The following MRPS23 variants were observed in gnomAD, a reference collection of about 807,000 sequenced individuals.
MRPS23 encodes small ribosomal subunit protein mS23.
In MRPS23, 14 loss-of-function variants were observed where a neutral mutation model predicts 19.8. The ratio of observed to expected loss-of-function variants is 0.71; its 90% confidence interval spans 0.47 to 1.11. The LOEUF (loss-of-function observed/expected upper bound fraction) is 1.11. MRPS23 is among the 50% of genes least tolerant of loss of function. The pLI is 0.00. For synonymous variants in MRPS23, 113 were observed against 89.7 expected (o/e 1.26, Z -1.47); for missense variants, 242 against 236.7 (o/e 1.02, Z -0.15).
intron 4 of MRPS23, 33 bp from the exon 5 acceptor site, chr17:57,839,968 G>A (rs1035326299): frequency 6.2e-6 from 10 of 1,608,774 alleles, no homozygotes; most frequent in Non-Finnish European, 7.7e-6. Context: ...TCACAGAGAT[G>A]TTATCATTTT....
intron 2 of MRPS23, among the ~76,000 whole-genome samples, chr17:57,846,077 ATC>A (rs1473525808): frequency 3.4e-5 from 2 of 58,434 alleles, no homozygotes; most frequent in African/African-American, 1.2e-4. Context: ...GAAGTGTGAC[ATC>A]TTTGTTTTTT....
chr17:57,840,749 G>C, intron 4 of MRPS23, 177 bp downstream of exon 4: 1 of 586,780 alleles, frequency 1.7e-6, no homozygotes, highest in Non-Finnish European at 2.8e-6. Flanking sequence ...ATGATTTAGA[G>C]ATGATTAAAG....
At chr17:57,842,791 G>A (rs1480411978) in intron 2 of MRPS23, among the ~76,000 whole-genome samples, 1 of 151,258 alleles carries the variant, frequency 6.6e-6, no homozygotes, top group African/African-American at 2.4e-5. Context: ...GGGAAGCTGA[G>A]GCATGAGGAT....
rs527508766 is a variant in MRPS23, at chr17:57,835,605, C to T, written c.*4178G>A. ...CTACCAGTTCAAATGGGCTTTTCCA[C>T]TACTGCTCAAAATAGTAATAAAACC... On this transcript the variant is annotated 3_prime_UTR_variant, in exon 5 of 5. Coordinates refer to ENST00000313608, the MANE Select transcript of MRPS23 (RefSeq NM_016070.4). 8.5e-5 allele frequency: 13 copies of T among 152,360 alleles called. No individual in the cohort carries two copies. Among genetic ancestry groups the T allele is most frequent in the African/African-American group, 3.1e-4 (13 of 41,584 alleles). 9.4% of individuals were successfully genotyped at this position (152,360 alleles called of 1,614,324 possible). A position where few individuals can be genotyped will look rare whatever the true frequency, so the allele number is the denominator to read the frequency against.
chr17:57,840,479 G>A (rs2073733737), intron 4 of MRPS23, among the ~76,000 whole-genome samples: 1 of 151,850 alleles, frequency 6.6e-6, no homozygotes, highest in Non-Finnish European at 1.5e-5. Context: ...CAAAATTCTA[G>A]TATATTCAGT....
chr17:57,838,869 G>T lies in MRPS23; in HGVS notation c.*914C>A, dbSNP rs1170484980. The T allele has an allele frequency of 1.3e-5, 2 of 152,214 alleles. No individual in the cohort carries two copies. Among genetic ancestry groups the T allele is most frequent in the Non-Finnish European group, 2.9e-5 (2 of 68,040 alleles). 9.4% of individuals were successfully genotyped at this position (152,214 alleles called of 1,614,324 possible). On this transcript the variant is annotated 3_prime_UTR_variant, in exon 5 of 5. Coordinates refer to ENST00000313608, the MANE Select transcript of MRPS23 (RefSeq NM_016070.4). ...TTTAAAATAGGGAATTTCTGAAGCA[G>T]CTTACTACTAACAGCTAAAAACCAC...
intron 2 of MRPS23, among the ~76,000 whole-genome samples, chr17:57,842,877 AAAATATAT>A (rs1212813232): frequency 1.7e-5 from 2 of 114,360 alleles, no homozygotes; most frequent in East Asian, 4.3e-4. Context: ...AAAAAAAAAA[AAAATATAT>A]ATATATACAC....
Position 57,838,108 on chromosome 17 carries a change from G to C in MRPS23, c.*1675C>G, listed in dbSNP as rs1032823491. ...GTTTGAGATCAGCCTGGGCAACATGGTTAAAAGCCCGTTTCTACTAAAAAT... is the reference window on the plus strand; with the variant it reads ...GTTTGAGATCAGCCTGGGCAACATGCTTAAAAGCCCGTTTCTACTAAAAAT... On this transcript the variant is annotated 3_prime_UTR_variant, in exon 5 of 5. Coordinates refer to ENST00000313608, the MANE Select transcript of MRPS23 (RefSeq NM_016070.4). 6.6e-6 allele frequency: 1 copy of C among 151,736 alleles called. No individual in the cohort carries two copies. Among genetic ancestry groups the C allele is most frequent in the African/African-American group, 2.4e-5 (1 of 41,312 alleles). 9.4% of individuals were successfully genotyped at this position (151,736 alleles called of 1,614,324 possible).
In MRPS23 at chr17:57,849,978, G is replaced by T. The variant is rs769211084; in HGVS notation, c.33C>A (p.Ser11Arg). Reference protein sequence around the residue: MAGSRLETVGSIFSRTRDLVR... With the variant: MAGSRLETVGRIFSRTRDLVR... Reference sequence around the variant, plus strand: ...CTGGGAGCACACACCGAGAGAAGATGCTCCCTACGGTTTCCAGCCGGCTGC... The same window carrying T: ...CTGGGAGCACACACCGAGAGAAGATTCTCCCTACGGTTTCCAGCCGGCTGC... Residue 11 changes from serine to arginine, a missense_variant, in exon 1 of 5, where the codon AGC (serine) becomes AGA (arginine). By Grantham distance (110) the Ser-to-Arg change is moderately radical. Coordinates refer to ENST00000313608, the MANE Select transcript of MRPS23 (RefSeq NM_016070.4). 6.4e-5 allele frequency: 102 copies of T among 1,589,758 alleles called. No individual in the cohort carries two copies. The highest frequency in any genetic ancestry group is 8.6e-5 in the Non-Finnish European group (101 of 1,174,478).
chr17:57,841,299 T>G (rs147282209), intron 2 of MRPS23, 39 bp from the exon 3 acceptor site: 1 of 1,579,966 alleles, frequency 6.3e-7, no homozygotes. Flanking sequence ...TCTCCGATTA[T>G]AGACTGTGGA....
At position 57,839,492 on chromosome 17, in the gene MRPS23, T is replaced by G; in HGVS notation, c.*291A>C. ...CAAGCCTAGTCAGATTGAGTCCCAT[T>G]TGAACAATCTTTATAAAGGTTTCTT... On this transcript the variant is annotated 3_prime_UTR_variant, in exon 5 of 5. Coordinates refer to ENST00000313608, the MANE Select transcript of MRPS23 (RefSeq NM_016070.4). The G allele has an allele frequency of 4.3e-6, 1 of 234,938 alleles. No homozygotes were observed. The highest frequency in any genetic ancestry group is 8.3e-6 in the Non-Finnish European group (1 of 119,794). The allele number at this position is 234,938 out of a possible 1,614,324, so 14.6% of individuals were successfully genotyped here.
At chr17:57,849,466 T>C in intron 1 of MRPS23, 56 bp from the exon 2 acceptor site, 1 of 1,591,460 alleles carries the variant, frequency 6.3e-7, no homozygotes, top group Non-Finnish European at 8.6e-7. Flanking sequence ...CCAAAGCCCC[T>C]GAATCAGTCT....
chr17:57,842,887 T>C lies in MRPS23; in HGVS notation c.216-1627A>G, dbSNP rs866969696. Among the ~76,000 whole-genome samples, 846 of 97,480 alleles carry C rather than the reference T, an allele frequency of 8.7e-3. 7 individuals carry two copies. The highest frequency in any genetic ancestry group is 0.023 in the African/African-American group (527 of 23,418). The allele number at this position is 97,480 out of a possible 152,430, so 64.0% of individuals were successfully genotyped here. A position where few individuals can be genotyped will look rare whatever the true frequency, so the allele number is the denominator to read the frequency against. On this transcript the variant is annotated intron_variant, in intron 2 of 4. Coordinates refer to ENST00000313608, the MANE Select transcript of MRPS23 (RefSeq NM_016070.4). ...TCTAAAAAAAAAAAAAAAATATATATATATACACACACACACACACACACA... is the reference window on the plus strand; with the variant it reads ...TCTAAAAAAAAAAAAAAAATATATACATATACACACACACACACACACACA...
chr17:57,846,231 C>G (rs142126371), intron 2 of MRPS23, among the ~76,000 whole-genome samples: 1 of 143,094 alleles, frequency 7.0e-6, no homozygotes, highest in Non-Finnish European at 1.5e-5. Context: ...CCTGGCCAGC[C>G]GCCCCGTCCG....
chr17:57,849,719 T>C (rs557995860), intron 1 of MRPS23: 2 of 606,400 alleles, frequency 3.3e-6, no homozygotes, highest in South Asian at 2.2e-5. Flanking sequence ...TTCCTCTTCC[T>C]AGAGACCTCC....
chr17:57,836,797 C>A lies in MRPS23; in HGVS notation c.*2986G>T, dbSNP rs2073708766. ...GTTCCAGCGATTCTCCTGCCTCAGC[C>A]TCCCGGGTAGCTGGTATTACAGGCA... On this transcript the variant is annotated 3_prime_UTR_variant, in exon 5 of 5. Coordinates refer to ENST00000313608, the MANE Select transcript of MRPS23 (RefSeq NM_016070.4). 1.3e-5 allele frequency: 2 copies of A among 152,280 alleles called. No homozygotes were observed. Among genetic ancestry groups the A allele is most frequent in the Non-Finnish European group, 2.9e-5 (2 of 68,074 alleles). The allele number at this position is 152,280 out of a possible 1,614,324, so 9.4% of individuals were successfully genotyped here.
chr17:57,841,138 C>T (rs777598293), intron 3 of MRPS23, 45 bp downstream of exon 3: 2 of 1,608,924 alleles, frequency 1.2e-6, no homozygotes, highest in East Asian at 4.5e-5. Flanking sequence ...TAACAAAATC[C>T]TTAAAAAATA....
chr17:57,849,838 C>T, intron 1 of MRPS23, 129 bp downstream of exon 1: 1 of 1,131,598 alleles, frequency 8.8e-7, no homozygotes, highest in Admixed American at 2.7e-5. Flanking sequence ...GAGGGCCTCA[C>T]CCAGCTCAGC....
chr17:57,838,299 A>AAAAAT lies in MRPS23; in HGVS notation c.*1483_*1484insATTTT. ...AGTGATACTCCATCGCAAAAAAAAA[A>AAAAAT]AAAAAAAAAAAAAAAAAATTAAAAA... On this transcript the variant is annotated 3_prime_UTR_variant, in exon 5 of 5. Coordinates refer to ENST00000313608, the MANE Select transcript of MRPS23 (RefSeq NM_016070.4). 7.1e-6 allele frequency: 1 copy of AAAAAT among 141,580 alleles called. No homozygotes were observed. Among genetic ancestry groups the AAAAAT allele is most frequent in the Non-Finnish European group, 1.5e-5 (1 of 67,328 alleles). 8.8% of individuals were successfully genotyped at this position (141,580 alleles called of 1,614,324 possible).
Sources: allele counts gnomAD v4.1 joint callset (sites outside exome capture counted in the v4.1 genomes callset), GRCh38; gene constraint gnomAD v4.1.1; transcripts MANE v1.5; gene names NCBI Gene and HGNC (gene_info 2026-07-23, HGNC 2026-07-21).